The following PLEKHA7 variants were observed in gnomAD, a reference collection of about 807,000 sequenced individuals.
The protein encoded by PLEKHA7 is pleckstrin homology domain containing A7, also known as pleckstrin homology domain-containing family A member 7.
A neutral mutation model predicts 170.0 loss-of-function variants in PLEKHA7; 104 were observed. The ratio of observed to expected loss-of-function variants is 0.61; its 90% confidence interval spans 0.52 to 0.72. The LOEUF (loss-of-function observed/expected upper bound fraction) is 0.72. Ranked by LOEUF, PLEKHA7 falls within the 30% of genes least tolerant of loss-of-function variation. PLEKHA7 has a pLI of 0.00. For missense variants in PLEKHA7, 1,615 were observed against 1,671.7 expected, an observed-to-expected ratio of 0.97 and a Z score of 0.59; for synonymous variants, 648 against 660.8, an observed-to-expected ratio of 0.98 and a Z score of 0.30.
chr11:16,891,612 A>G (rs959415536), intron 3 of PLEKHA7, among the ~76,000 whole-genome samples: 1 of 152,222 alleles, frequency 6.6e-6, no homozygotes, highest in African/African-American at 2.4e-5. Flanking sequence ...AGCATGGAAA[A>G]GCTATCACAA....
rs548110973 is a variant in PLEKHA7 at position 16,958,945 on chromosome 11, G to C, written c.221+55044C>G. On this transcript the variant is annotated intron_variant, in intron 3 of 26. Coordinates refer to ENST00000531066, the MANE Select transcript of PLEKHA7 (RefSeq NM_001329630.2). ...AATGCTGGGGTGGGTACAGGCGGGT[G>C]GGGGGAAAGAGGCCTAGAGCCCTAC... is the stretch of plus-strand genomic sequence containing the variant. 5.9e-5 allele frequency among the ~76,000 whole-genome samples: 9 copies of C among 152,268 alleles called. No homozygotes were observed. The East Asian group carries it at 1.5e-3, about 26-fold the overall frequency.
At position 16,778,589 on chromosome 11, in the gene PLEKHA7, G is replaced by C. The variant is rs1219494567; in HGVS notation, c.*409C>G. On this transcript the variant is annotated 3_prime_UTR_variant, in exon 27 of 27. Coordinates refer to ENST00000531066, the MANE Select transcript of PLEKHA7 (RefSeq NM_001329630.2). ...TCACTTTCTCCTGAGGTCATTGGAAGTTGGACTAGCCTCGGCTTGCCCCGC... is the reference window on the plus strand; with the variant it reads ...TCACTTTCTCCTGAGGTCATTGGAACTTGGACTAGCCTCGGCTTGCCCCGC... 4 of 252,008 alleles carry C rather than the reference G, an allele frequency of 1.6e-5. No individual in the cohort carries two copies. Among genetic ancestry groups the C allele is most frequent in the Non-Finnish European group, 2.4e-5 (3 of 125,106 alleles). The allele number at this position is 252,008 out of a possible 1,614,324, so 15.6% of individuals were successfully genotyped here. A position where few individuals can be genotyped will look rare whatever the true frequency, so the allele number is the denominator to read the frequency against.
intron 10 of PLEKHA7, among the ~76,000 whole-genome samples, chr11:16,823,858 T>G (rs971624445): frequency 2.0e-5 from 3 of 152,234 alleles, no homozygotes; most frequent in Admixed American, 6.5e-5. Context: ...GCAACCTAAG[T>G]GTCCATCAAC....
intron 3 of PLEKHA7, among the ~76,000 whole-genome samples, chr11:16,950,064 A>G (rs1163466339): frequency 8.9e-6 from 1 of 112,706 alleles, no homozygotes; most frequent in Admixed American, 1.1e-4. Flanking sequence ...GAGTGAAGGC[A>G]GAGTAAAGTG....
chr11:16,887,575 T>C (rs903213340), intron 3 of PLEKHA7, among the ~76,000 whole-genome samples: 7 of 152,236 alleles, frequency 4.6e-5, no homozygotes, highest in African/African-American at 1.7e-4. Context: ...CGTATTTTTT[T>C]GGTGGAGACG....
rs761442827 is a variant in PLEKHA7 at position 17,014,192 on chromosome 11, G to C, written c.96C>G (p.Leu32=). 26 of 1,591,442 alleles carry C rather than the reference G, an allele frequency of 1.6e-5. No individual in the cohort carries two copies. In the African/African-American group the frequency reaches 2.5e-4, roughly 15 times the overall value. The change falls in exon 2 of 27, where the codon CTC becomes CTG. Residue 32 remains leucine (L), a synonymous_variant. Coordinates refer to ENST00000531066, the MANE Select transcript of PLEKHA7 (RefSeq NM_001329630.2). ...GCGGATGCAGCCAGGTCGTGCAGCGGAGCTGGTCACTGCGGGCAGAGAGGT... is the reference window on the plus strand; with the variant it reads ...GCGGATGCAGCCAGGTCGTGCAGCGCAGCTGGTCACTGCGGGCAGAGAGGT... ...DGRVFFINDQ[L]RCTTWLHPRT...
In PLEKHA7 at chr11:16,955,287, C is replaced by T. The variant is rs965768378; in HGVS notation, c.221+58702G>A. On this transcript the variant is annotated intron_variant, in intron 3 of 26. Coordinates refer to ENST00000531066, the MANE Select transcript of PLEKHA7 (RefSeq NM_001329630.2). ...TCAACATGGCAACTTCCTACTTATCCTTCAAGGCCCAGTTCAAATATTGCT... is the reference window on the plus strand; with the variant it reads ...TCAACATGGCAACTTCCTACTTATCTTTCAAGGCCCAGTTCAAATATTGCT... Among the ~76,000 whole-genome samples the T allele has an allele frequency of 3.9e-5, 6 of 152,210 alleles. No individual in the cohort carries two copies. In the South Asian group the frequency reaches 1.2e-3, roughly 32 times the overall value.
chr11:16,906,320 TCCTCTCACTCTC>T (rs1261444815), intron 3 of PLEKHA7, among the ~76,000 whole-genome samples: 24 of 136,234 alleles, frequency 1.8e-4, no homozygotes, highest in Admixed American at 2.9e-4. Context: ...TCCCTCTCCC[TCCTCTCACTCTC>T]CCTCTCCCTC....
intron 25 of PLEKHA7, 62 bp from the exon 26 acceptor site, chr11:16,782,958 G>A: frequency 2.7e-6 from 4 of 1,504,826 alleles, no homozygotes; most frequent in East Asian, 4.9e-5. Flanking sequence ...CTCAGGAGTG[G>A]AGGGTCTCCC....
intron 11 of PLEKHA7, 45 bp from the exon 12 acceptor site, chr11:16,816,309 G>C (rs779543163): frequency 1.8e-5 from 26 of 1,470,818 alleles, no homozygotes; most frequent in Admixed American, 3.4e-5. Flanking sequence ...CCAAACCTCT[G>C]CCACTCACTC....
chr11:16,839,813 A>G (rs1851810446), intron 9 of PLEKHA7, among the ~76,000 whole-genome samples: 1 of 152,202 alleles, frequency 6.6e-6, no homozygotes, highest in African/African-American at 2.4e-5. Flanking sequence ...CCAGTCCTCC[A>G]TGGATACCAA....
At chr11:16,978,588 A>C (rs1863215160) in intron 3 of PLEKHA7, among the ~76,000 whole-genome samples, 1 of 152,242 alleles carries the variant, frequency 6.6e-6, no homozygotes, top group South Asian at 2.1e-4. Context: ...CTGCAGCATC[A>C]TTTAATAGTT....
At chr11:16,945,670 T>G (rs1416034067) in intron 3 of PLEKHA7, among the ~76,000 whole-genome samples, 1 of 152,144 alleles carries the variant, frequency 6.6e-6, no homozygotes, top group Admixed American at 6.5e-5. Flanking sequence ...GATCCAGGAA[T>G]ATCTGGCACT....
chr11:16,822,706 T>C (rs1026062427), intron 10 of PLEKHA7, among the ~76,000 whole-genome samples: 2 of 152,094 alleles, frequency 1.3e-5, no homozygotes, highest in African/African-American at 4.8e-5. Flanking sequence ...GTCCTCAGTG[T>C]TCTGTTGTTG....
At chr11:16,842,930 G>A (rs565250766) in intron 8 of PLEKHA7, among the ~76,000 whole-genome samples, 7 of 152,220 alleles carry the variant, frequency 4.6e-5, no homozygotes, top group African/African-American at 1.7e-4. Context: ...GTAACTTTCC[G>A]AGATTTCCAC....
chr11:16,934,477 G>C (rs1860151865), intron 3 of PLEKHA7, among the ~76,000 whole-genome samples: 1 of 152,170 alleles, frequency 6.6e-6, no homozygotes, highest in Admixed American at 6.5e-5. Flanking sequence ...TGTTTACACA[G>C]AGCTTTCCAA....
Position 16,813,105 on chromosome 11 carries a change from T to C in PLEKHA7, c.2007+8A>G. 2.5e-6 allele frequency: 4 copies of C among 1,612,334 alleles called. No homozygotes were observed. Among genetic ancestry groups the C allele is most frequent in the Non-Finnish European group, 3.4e-6 (4 of 1,178,438 alleles). ...TGCAAGGAAGGCAGGAACCCTGATG[T>C]CACTTACCTTTAGATCCAGGTACTC... is the stretch of plus-strand genomic sequence containing the variant. On this transcript the variant is annotated splice_region_variant and intron_variant, in intron 13 of 26. Coordinates refer to ENST00000531066, the MANE Select transcript of PLEKHA7 (RefSeq NM_001329630.2).
chr11:16,829,877 G>A (rs907290271), intron 9 of PLEKHA7, among the ~76,000 whole-genome samples: 5 of 151,396 alleles, frequency 3.3e-5, no homozygotes, highest in South Asian at 2.1e-4. Flanking sequence ...TTTTTCACAC[G>A]ATAGGTTTTA....
chr11:16,966,786 C>T (rs1045820718), intron 3 of PLEKHA7, among the ~76,000 whole-genome samples: 1 of 152,064 alleles, frequency 6.6e-6, no homozygotes, highest in Non-Finnish European at 1.5e-5. Context: ...CTGCTTTATT[C>T]CTTCAGTCAG....
Sources: allele counts gnomAD v4.1 joint callset (sites outside exome capture counted in the v4.1 genomes callset), GRCh38; gene constraint gnomAD v4.1.1; transcripts MANE v1.5; gene names NCBI Gene and HGNC (gene_info 2026-07-23, HGNC 2026-07-21).